The following RPP30 variants were observed in gnomAD, a reference collection of about 807,000 sequenced individuals.
The protein encoded by RPP30 is ribonuclease P protein subunit p30.
A neutral mutation model predicts 38.6 loss-of-function variants in RPP30; 36 were observed. The observed-to-expected ratio is 0.93, with a 90% CI of 0.71 to 1.23. The LOEUF is 1.23. RPP30 is among the 50% of genes most tolerant of loss of function. The probability of loss-of-function intolerance (pLI) is 0.00; values close to 1 mark genes in which losing one functional copy is unlikely to be tolerated. For synonymous variants in RPP30, 126 were observed against 112.7 expected, an observed-to-expected ratio of 1.12 and a Z score of -0.75; for missense variants, 321 against 321.7, an observed-to-expected ratio of 1.00 and a Z score of 0.02.
At chr10:90,872,372 G>A (rs905097504) in intron 1 of RPP30, among the ~76,000 whole-genome samples, 4 of 152,192 alleles carry the variant, frequency 2.6e-5, no homozygotes, top group Admixed American at 6.5e-5. Context: ...GGACTCCAAG[G>A]GTACAATCTT....
At chr10:90,877,930 A>G (rs1190074344) in intron 4 of RPP30, among the ~76,000 whole-genome samples, 2 of 152,212 alleles carry the variant, frequency 1.3e-5, no homozygotes, top group Non-Finnish European at 2.9e-5. Flanking sequence ...TCTCCATCAT[A>G]TAATAGAAGT....
chr10:90,872,126 C>G lies in RPP30; in HGVS notation c.82+58C>G, dbSNP rs758149603. 1.8e-5 allele frequency: 25 copies of G among 1,399,412 alleles called. No individual in the cohort carries two copies. In the African/African-American group the frequency reaches 3.1e-4, roughly 17 times the overall value. 86.7% of individuals were successfully genotyped at this position (1,399,412 alleles called of 1,614,324 possible). A position where few individuals can be genotyped will look rare whatever the true frequency, so the allele number is the denominator to read the frequency against. ...TCATGCCACCCAGACCATCGGGCCA[C>G]ACTCCGGAGTAACTATTTCCTGATG... On this transcript the variant is annotated intron_variant, in intron 1 of 10. Transcript: ENST00000371703.
chr10:90,907,401 T>C (rs1010906786), downstream of RPP30, among the ~76,000 whole-genome samples: 1 of 152,092 alleles, frequency 6.6e-6, no homozygotes, highest in Non-Finnish European at 1.5e-5. Context: ...CTGTGGGAGG[T>C]GGACTCCCTG....
At chr10:90,903,781 T>A (rs1012070810), downstream of RPP30, among the ~76,000 whole-genome samples, 9 of 152,222 alleles carry the variant, frequency 5.9e-5, no homozygotes, top group South Asian at 4.1e-4. Context: ...AGATTTTGAT[T>A]AATAACCTGT....
chr10:90,902,311 G>C (rs1375718329), downstream of RPP30: 4 of 395,956 alleles, frequency 1.0e-5, no homozygotes, highest in African/African-American at 4.3e-5. Context: ...TTTGCCTCTT[G>C]GGCTCAAGCC....
At chr10:90,892,785 T>G (rs1414206418) in intron 6 of RPP30, among the ~76,000 whole-genome samples, 3 of 152,232 alleles carry the variant, frequency 2.0e-5, no homozygotes, top group Non-Finnish European at 2.9e-5. Flanking sequence ...TGTTTTTACT[T>G]ATCTGTGGTT....
intron 10 of RPP30, among the ~76,000 whole-genome samples, chr10:90,899,364 A>C (rs555966033): frequency 2.6e-4 from 40 of 152,354 alleles, no homozygotes; most frequent in African/African-American, 9.6e-4. Flanking sequence ...GATAAATGGG[A>C]AAATAATGCT....
rs780375715 is a variant in RPP30 at position 90,891,554 on chromosome 10, T to C, written c.433-3221T>C. On this transcript the variant is annotated intron_variant, in intron 6 of 10. Transcript: ENST00000371703. ...CCTAGCAATCCCACTTTAGTGTTATTCTACAGATACACTGAAACCACCCAA... is the reference window on the plus strand; with the variant it reads ...CCTAGCAATCCCACTTTAGTGTTATCCTACAGATACACTGAAACCACCCAA... Among the ~76,000 whole-genome samples the C allele has an allele frequency of 2.6e-4, 40 of 152,302 alleles. 1 individual carries two copies. Among genetic ancestry groups the C allele is most frequent in the South Asian group, 1.7e-3 (8 of 4,826 alleles).
Position 90,879,082 on chromosome 10 carries a change from C to T in RPP30, c.290C>T (p.Ala97Val), listed in dbSNP as rs1416149108. ...CNVLRATSSRARLYDVVAVFP... is the reference protein window; with the variant it reads ...CNVLRATSSRVRLYDVVAVFP... ...TCCTAGAGAGCAACTTCTTCAAGGG[C>T]CCGGCTCTATGATGTTGTTGCAGTT... Residue 97 changes from alanine (A) to valine (V), a missense_variant, in exon 5 of 11, where the codon GCC becomes GTC. Physicochemically the swap from Ala to Val is moderately conservative, Grantham distance 64. Transcript: ENST00000371703. The T allele has an allele frequency of 2.5e-6, 4 of 1,613,924 alleles. No homozygotes were observed. The highest frequency in any genetic ancestry group is 1.7e-4 in the Middle Eastern group (1 of 6,060).
chr10:90,888,114 G>A (rs1847024448), intron 6 of RPP30, among the ~76,000 whole-genome samples: 2 of 152,192 alleles, frequency 1.3e-5, no homozygotes, highest in African/African-American at 4.8e-5. Context: ...AGTTTCTGTG[G>A]AAGTAGCACC....
At chr10:90,889,860 C>G (rs1847052634) in intron 6 of RPP30, among the ~76,000 whole-genome samples, 2 of 152,238 alleles carry the variant, frequency 1.3e-5, no homozygotes, top group South Asian at 4.2e-4. Flanking sequence ...CTAAAATCTC[C>G]CACAAACCTC....
chr10:90,875,512 C>G (rs1342751347), intron 2 of RPP30, 46 bp from the exon 3 acceptor site: 1 of 1,448,916 alleles, frequency 6.9e-7, no homozygotes, highest in Non-Finnish European at 9.7e-7. Context: ...ATGCCTTGTG[C>G]TATTAATGGA....
chr10:90,885,249 C>G (rs1846984281), intron 5 of RPP30, among the ~76,000 whole-genome samples: 1 of 152,152 alleles, frequency 6.6e-6, no homozygotes, highest in Non-Finnish European at 1.5e-5. Context: ...TGTAGTAGCT[C>G]TGCTTTAACT....
At position 90,898,998 on chromosome 10, in the gene RPP30, A is replaced by G. The variant is rs74611339; in HGVS notation, c.698-1572A>G. On this transcript the variant is annotated intron_variant, in intron 10 of 10. Transcript: ENST00000371703. ...TGGCAAGATGATTAAAGGAAATACTATATGTGAAAACATTTTATAAACTAA... is the reference window on the plus strand; with the variant it reads ...TGGCAAGATGATTAAAGGAAATACTGTATGTGAAAACATTTTATAAACTAA... 5.0e-3 allele frequency among the ~76,000 whole-genome samples: 769 copies of G among 152,350 alleles called. 6 individuals are homozygous for G. Among genetic ancestry groups the G allele is most frequent in the African/African-American group, 0.018 (742 of 41,576 alleles).
At chr10:90,890,043 A>T (rs964893811) in intron 6 of RPP30, among the ~76,000 whole-genome samples, 2 of 152,222 alleles carry the variant, frequency 1.3e-5, no homozygotes, top group African/African-American at 4.8e-5. Context: ...GATGGGGTAG[A>T]TGTTAATTAT....
intron 4 of RPP30, among the ~76,000 whole-genome samples, chr10:90,878,047 G>A (rs1442299137): frequency 6.6e-6 from 1 of 152,140 alleles, no homozygotes; most frequent in African/African-American, 2.4e-5. Flanking sequence ...GGTTCCTTAG[G>A]CCCAGGTAGA....
chr10:90,873,145 T>G (rs960611559), intron 1 of RPP30, among the ~76,000 whole-genome samples: 5 of 152,212 alleles, frequency 3.3e-5, no homozygotes, highest in Admixed American at 2.0e-4. Flanking sequence ...TTTACTGTGC[T>G]TAACACGTTC....
At chr10:90,878,481 TTC>T (rs964098831) in intron 4 of RPP30, among the ~76,000 whole-genome samples, 4 of 152,112 alleles carry the variant, frequency 2.6e-5, no homozygotes, top group Admixed American at 2.6e-4. Flanking sequence ...AGATGATATT[TTC>T]TTTCTTCTTC....
At chr10:90,875,431 C>T in intron 2 of RPP30, 127 bp from the exon 3 acceptor site, 105 of 692,736 alleles carry the variant, frequency 1.5e-4, no homozygotes, top group South Asian at 4.7e-4. Context: ...TTTTGAATAC[C>T]AGAAATCACC....
Sources: gnomAD v4.1 joint callset for allele counts (sites outside exome capture counted in the v4.1 genomes callset) on GRCh38, gnomAD v4.1.1 for gene constraint, MANE v1.5 for transcripts, NCBI Gene and HGNC (gene_info 2026-07-23, HGNC 2026-07-21) for gene names.